Variants in CDC42BPG observed in about 807,000 individuals in gnomAD.
CDC42BPG encodes the protein CDC42 binding protein kinase gamma.
In CDC42BPG, 157 loss-of-function variants were observed where a neutral mutation model predicts 192.2. The observed-to-expected ratio is 0.82, with a 90% confidence interval of 0.72 to 0.93. The LOEUF (loss-of-function observed/expected upper bound fraction) is 0.93, where lower values mean the gene tolerates loss of function less well. Ranked by LOEUF, CDC42BPG falls within the 40% of genes least tolerant of loss-of-function variation. The pLI, the probability that CDC42BPG is intolerant of heterozygous loss-of-function variation, is 0.00. For missense variants in CDC42BPG, 1,992 were observed against 2,122.1 expected (o/e 0.94, Z 1.20); for synonymous variants, 981 against 918.5 (o/e 1.07, Z -1.23).
chr11:64,841,470 T>A (rs987621488), intron 3 of CDC42BPG, among the ~76,000 whole-genome samples, 180 bp downstream of exon 3: 4 of 151,624 alleles, frequency 2.6e-5, no homozygotes, highest in African/African-American at 9.7e-5. Context: ...AAAAAAAATT[T>A]AAAAAATTAA....
intron 9 of CDC42BPG, among the ~76,000 whole-genome samples, chr11:64,837,454 G>A (rs1395809206): frequency 1.3e-5 from 2 of 152,194 alleles, no homozygotes; most frequent in Admixed American, 1.3e-4. Context: ...TCGAATGGGA[G>A]TAGGTGGAGA....
Position 64,835,853 on chromosome 11 carries a change from TGTGAG to T in CDC42BPG, c.1669-7_1669-3del. 6.2e-7 allele frequency: 1 copy of T among 1,608,994 alleles called. No homozygotes were observed. On this transcript the variant is annotated splice_region_variant and splice_polypyrimidine_tract_variant and intron_variant, in intron 13 of 36. Transcript: ENST00000342711. ...CAGGGAGGACACCTGGGCCTCCAGC[TGTGAG>T]GGGTGCAGAGGCAGGCCACTGCCAA... is the stretch of plus-strand genomic sequence containing the variant.
rs1942865899 is a variant in CDC42BPG at position 64,834,358 on chromosome 11, G to A, written c.2325-4C>T. On this transcript the variant is annotated splice_region_variant and splice_polypyrimidine_tract_variant and intron_variant, in intron 19 of 36. Transcript: ENST00000342711. Reference sequence around the variant, plus strand: ...CTTCTCGGCCTCCTGCAGACGGCTGGGGAGAATGGCAAGGGCTCGCCACTG... The same window carrying A: ...CTTCTCGGCCTCCTGCAGACGGCTGAGGAGAATGGCAAGGGCTCGCCACTG... The A allele has an allele frequency of 6.4e-7, 1 of 1,567,894 alleles. No homozygotes were observed. Among genetic ancestry groups the A allele is most frequent in the African/African-American group, 1.4e-5 (1 of 73,814 alleles).
Position 64,840,156 on chromosome 11 carries a change from G to A in CDC42BPG, c.545C>T (p.Ala182Val). 6.2e-7 allele frequency: 1 copy of A among 1,613,014 alleles called. No individual in the cohort carries two copies. Among genetic ancestry groups the A allele is most frequent in the Non-Finnish European group, 8.5e-7 (1 of 1,179,886 alleles). ...ACCCAGCTGGTGCAGCGAGTGGATG[G>A]CCAGCACCATCTCAGCCAGGTAGAA... ...AQFYLAEMVLAIHSLHQLGYV... is the reference protein window; with the variant it reads ...AQFYLAEMVLVIHSLHQLGYV... Residue 182 changes from alanine (A) to valine (V), a missense_variant, in exon 5 of 37, where the codon GCC (alanine) becomes GTC (valine). By Grantham distance (64) the Ala-to-Val change is moderately conservative. Around this residue, in one of 2 missense-constraint regions of CDC42BPG, gnomAD observed 1,656 missense variants for 1,844.3 expected, o/e 0.90. Transcript: ENST00000342711.
Position 64,836,941 on chromosome 11 carries a change from C to G in CDC42BPG, c.1284G>C (p.Glu428Asp). 1 of 1,613,506 alleles carries G rather than the reference C, an allele frequency of 6.2e-7. No homozygotes were observed. The highest frequency in any genetic ancestry group is 8.5e-7 in the Non-Finnish European group (1 of 1,179,924). The change falls in exon 10 of 37, where the codon GAG becomes GAC. Residue 428 changes from glutamate (E) to aspartate (D), a missense_variant. Coordinates refer to ENST00000342711, the MANE Select transcript of CDC42BPG (RefSeq NM_017525.3). ...CAGTACCTTGGTGCTTCCTGCTCAG[C>G]TCCACCTTCTCCTGCTCCAGACACT... ...KLQCLEQEKV[E>D]LSRKHQEALH...
At chr11:64,838,984 T>G (rs1298363651) in intron 7 of CDC42BPG, 49 bp downstream of exon 7, 4 of 1,611,286 alleles carry the variant, frequency 2.5e-6, no homozygotes, top group Non-Finnish European at 3.4e-6. Flanking sequence ...CCACACAGAC[T>G]CAGGGGTCCC....
In CDC42BPG at chr11:64,826,747, C is replaced by A; in HGVS notation, c.4437G>T (p.Arg1479=). The change falls in exon 35 of 37, where the codon CGG becomes CGT. Residue 1479 remains arginine, a synonymous_variant. Coordinates refer to ENST00000342711, the MANE Select transcript of CDC42BPG (RefSeq NM_017525.3). ...GCAACGCCTCGGAGAAGCTGTGGGGCCGCTGTGGGCCGGAGCCGCGGGCAA... is the reference window on the plus strand; with the variant it reads ...GCAACGCCTCGGAGAAGCTGTGGGGACGCTGTGGGCCGGAGCCGCGGGCAA... ...GRVARGSGPQ[R]PHSFSEALRR... is the part of the protein sequence containing the mutation. The A allele has an allele frequency of 6.5e-7, 1 of 1,539,576 alleles. No homozygotes were observed.
In CDC42BPG at chr11:64,824,131, T is replaced by A. The variant is rs1942335483; in HGVS notation, c.*342A>T. On this transcript the variant is annotated 3_prime_UTR_variant, in exon 37 of 37. Coordinates refer to ENST00000342711, the MANE Select transcript of CDC42BPG (RefSeq NM_017525.3). ...CCTGTTCCCAGAGACCCAGTCCCTCTCCATCCCTCATCCCAACTCTTACAA... is the reference window on the plus strand; with the variant it reads ...CCTGTTCCCAGAGACCCAGTCCCTCACCATCCCTCATCCCAACTCTTACAA... 2.7e-6 allele frequency: 1 copy of A among 376,982 alleles called. No homozygotes were observed. Among genetic ancestry groups the A allele is most frequent in the Non-Finnish European group, 5.0e-6 (1 of 200,302 alleles). The allele number at this position is 376,982 out of a possible 1,614,324, so 23.4% of individuals were successfully genotyped here.
intron 30 of CDC42BPG, among the ~76,000 whole-genome samples, chr11:64,829,260 C>T (rs1448579472): frequency 2.6e-5 from 4 of 152,134 alleles, no homozygotes; most frequent in Non-Finnish European, 5.9e-5. Flanking sequence ...AAAAGGAGAG[C>T]GGCTCAGGCA....
In CDC42BPG at chr11:64,841,691, T is replaced by C. The variant is rs767838738; in HGVS notation, c.295A>G (p.Met99Val). ...RQRDTGQIFA[M>V]KMLHKWEMLK... ...ATCTCCCACTTGTGCAGCATTTTCA[T>C]GGCAAAAATCTGCCCAGTGTCCCTC... The change falls in exon 3 of 37, where the codon ATG becomes GTG. Residue 99 changes from methionine (M) to valine (V), a missense_variant. By Grantham distance (21) the Met-to-Val change is conservative. Around this residue, in one of 2 missense-constraint regions of CDC42BPG, gnomAD observed 1,656 missense variants for 1,844.3 expected, o/e 0.90. Coordinates refer to ENST00000342711, the MANE Select transcript of CDC42BPG (RefSeq NM_017525.3). 4.3e-6 allele frequency: 7 copies of C among 1,613,800 alleles called. No homozygotes were observed. In the Admixed American group the frequency reaches 5.0e-5, roughly 12 times the overall value.
intron 30 of CDC42BPG, 57 bp from the exon 31 acceptor site, chr11:64,827,840 C>T: frequency 7.0e-7 from 1 of 1,418,650 alleles, no homozygotes; most frequent in South Asian, 1.3e-5. Flanking sequence ...CAGGGAACAC[C>T]TTGTCCCCTG....
chr11:64,826,670 C>A lies in CDC42BPG; in HGVS notation c.4513+1G>T. 6.4e-7 allele frequency: 1 copy of A among 1,572,842 alleles called. No homozygotes were observed. The highest frequency in any genetic ancestry group is 8.6e-7 in the Non-Finnish European group (1 of 1,159,546). ...ACTGGAGGCTGAGGGGCTGCCCTTA[C>A]TGGGGTCTGCGTCTCCACCGAGGCC... On this transcript the variant is annotated splice_donor_variant, in intron 35 of 36. Transcript: ENST00000342711. LOFTEE classifies it high-confidence loss of function.
intron 23 of CDC42BPG, 97 bp from the exon 24 acceptor site, chr11:64,833,433 G>A: frequency 1.1e-6 from 1 of 949,642 alleles, no homozygotes; most frequent in African/African-American, 1.6e-5. Flanking sequence ...AGGCAACAGT[G>A]ACCTCCGAGT....
Position 64,841,722 on chromosome 11 carries a change from C to T in CDC42BPG, c.264G>A (p.Val88=), listed in dbSNP as rs754325852. 35 of 1,613,982 alleles carry T rather than the reference C, an allele frequency of 2.2e-5. No individual in the cohort carries two copies. Among genetic ancestry groups the T allele is most frequent in the Non-Finnish European group, 2.5e-5 (29 of 1,180,010 alleles). The change falls in exon 3 of 37, where the codon GTG becomes GTA. Residue 88 remains valine, a synonymous_variant. Coordinates refer to ENST00000342711, the MANE Select transcript of CDC42BPG (RefSeq NM_017525.3). ...GRGAFGEVTV[V]RQRDTGQIFA... ...AAATCTGCCCAGTGTCCCTCTGCCT[C>T]ACCACGGTGACCTAAGGCCACAGGG...
rs1233105280 is a variant in CDC42BPG, at chr11:64,833,792, C to A, written c.2511G>T (p.Arg837Ser). 1.2e-6 allele frequency: 2 copies of A among 1,614,108 alleles called. No homozygotes were observed. The highest frequency in any genetic ancestry group is 1.7e-6 in the Non-Finnish European group (2 of 1,180,056). Reference sequence around the variant, plus strand: ...GCCTCAGATCTGGCTCTCCTCCATGCCTTGTGGCCTCTCCTGAGATGCCAG... The same window carrying A: ...GCCTCAGATCTGGCTCTCCTCCATGACTTGTGGCCTCTCCTGAGATGCCAG... ...KDPGISGEAT[R>S]HGGEPDLRPE... is the part of the protein sequence containing the mutation. Residue 837 changes from arginine (R) to serine (S), a missense_variant, in exon 22 of 37, where the codon AGG becomes AGT. Physicochemically the swap from Arg to Ser is moderately radical, Grantham distance 110. Around this residue, in one of 2 missense-constraint regions of CDC42BPG, gnomAD observed 1,656 missense variants for 1,844.3 expected, o/e 0.90. Transcript: ENST00000342711.
At chr11:64,830,155 C>T in intron 29 of CDC42BPG, 39 bp downstream of exon 29, 1 of 1,613,024 alleles carries the variant, frequency 6.2e-7, no homozygotes, top group South Asian at 1.1e-5. Context: ...CTGGGGCTGC[C>T]CCTGCCCACG....
At chr11:64,831,128 G>A (rs1431890999) in intron 28 of CDC42BPG, among the ~76,000 whole-genome samples, 1 of 152,032 alleles carries the variant, frequency 6.6e-6, no homozygotes, top group Non-Finnish European at 1.5e-5. Context: ...TGAGACAGGA[G>A]AATCGCTTGA....
At position 64,832,585 on chromosome 11, in the gene CDC42BPG, G is replaced by A; in HGVS notation, c.3005+19C>T. On this transcript the variant is annotated intron_variant, in intron 26 of 36. Transcript: ENST00000342711. ...CCTTACCACTAGTCCCTTGCCCCAT[G>A]CCACTGCCCGGCACCTACCTCAGAT... The A allele has an allele frequency of 6.2e-7, 1 of 1,614,012 alleles. No homozygotes were observed. The highest frequency in any genetic ancestry group is 8.5e-7 in the Non-Finnish European group (1 of 1,180,014).
Position 64,838,882 on chromosome 11 carries a change from C to CG in CDC42BPG, c.896dup (p.Asp300GlyfsTer4). On this transcript the variant is annotated frameshift_variant, in exon 8 of 37. Transcript: ENST00000342711. LOFTEE classifies it high-confidence loss of function. The stretch of plus-strand genomic sequence containing the variant: ...CGCTGGCTGGCACGTCAGGCACGTC[C>CG]GGGGGGAACTGCAGGTGGTCCTGTG... The CG allele has an allele frequency of 1.4e-6, 2 of 1,392,266 alleles. No individual in the cohort carries two copies. Among genetic ancestry groups the CG allele is most frequent in the Non-Finnish European group, 1.0e-6 (1 of 999,284 alleles). 86.2% of individuals were successfully genotyped at this position (1,392,266 alleles called of 1,614,324 possible).
Sources: gnomAD v4.1 joint callset for allele counts (sites outside exome capture counted in the v4.1 genomes callset) on GRCh38, gnomAD v4.1.1 for gene constraint, gnomAD v4.1.1 regional missense constraint, MANE v1.5 for transcripts, NCBI Gene and HGNC (gene_info 2026-07-23, HGNC 2026-07-21) for gene names.